DLG2: variants seen among roughly 807,000 people sequenced by gnomAD.
DLG2 encodes the protein discs large MAGUK scaffold protein 2.
In DLG2, 45 loss-of-function variants were observed where a neutral mutation model predicts 132.5. The ratio of observed to expected loss-of-function variants is 0.34; its 90% CI spans 0.27 to 0.44. DLG2 has a LOEUF of 0.44. Among genes scored for constraint, DLG2 ranks in the 20% least tolerant of loss-of-function variants. The pLI is 1.00. For missense variants in DLG2, 1,045 were observed against 1,196.9 expected, an observed-to-expected ratio of 0.87 and a Z score of 1.87; for synonymous variants, 424 against 419.6, an observed-to-expected ratio of 1.01 and a Z score of -0.13.
chr11:84,651,768 A>C (rs1448297438), intron 6 of DLG2, among the ~76,000 whole-genome samples: 1 of 152,184 alleles, frequency 6.6e-6, no homozygotes, highest in Non-Finnish European at 1.5e-5. Context: ...TGGAGACTGG[A>C]CTAGAGACAT....
intron 3 of DLG2, among the ~76,000 whole-genome samples, chr11:85,375,818 A>C (rs1014759111): frequency 3.9e-5 from 6 of 152,214 alleles, no homozygotes; most frequent in Non-Finnish European, 5.9e-5. Context: ...TTTAGACAGC[A>C]GTTATGACAA....
rs532863675 is a variant in DLG2, at chr11:83,807,305, C to T, written c.1723-20513G>A. On this transcript the variant is annotated intron_variant, in intron 17 of 27. Coordinates refer to ENST00000376104, the MANE Select transcript of DLG2 (RefSeq NM_001142699.3). ...GCATCAGAAAAATTTTCCATTTACA[C>T]AGGCAGGGAGGTATTTTCAGTAATT... Among the ~76,000 whole-genome samples the T allele has an allele frequency of 2.8e-4, 42 of 152,318 alleles. 1 individual carries two copies. The South Asian group carries it at 8.5e-3, about 31-fold the overall frequency.
At chr11:85,205,035 A>C (rs2081767709) in intron 4 of DLG2, among the ~76,000 whole-genome samples, 1 of 151,900 alleles carries the variant, frequency 6.6e-6, no homozygotes, top group Non-Finnish European at 1.5e-5. Context: ...AGTCAACTCA[A>C]AATGGAGTAA....
intron 11 of DLG2, among the ~76,000 whole-genome samples, chr11:84,008,912 G>T (rs932406595): frequency 6.7e-6 from 1 of 149,612 alleles, no homozygotes; most frequent in African/African-American, 2.5e-5. Flanking sequence ...TTTATCTACA[G>T]ATTTTTTCTT....
chr11:83,711,087 C>T (rs1450719843), intron 18 of DLG2, among the ~76,000 whole-genome samples: 2 of 152,138 alleles, frequency 1.3e-5, no homozygotes, highest in African/African-American at 4.8e-5. Context: ...AAACCATAGC[C>T]TCAGCAGTCA....
At chr11:83,735,127 C>A (rs192167700) in intron 18 of DLG2, among the ~76,000 whole-genome samples, 8 of 151,910 alleles carry the variant, frequency 5.3e-5, no homozygotes, top group East Asian at 3.9e-4. Context: ...TTAATATTGG[C>A]CGATTAGAGA....
chr11:83,882,643 C>T (rs2066604728), intron 15 of DLG2, among the ~76,000 whole-genome samples: 2 of 152,034 alleles, frequency 1.3e-5, no homozygotes, highest in African/African-American at 4.8e-5. Flanking sequence ...TTTATTATGC[C>T]ACTATACAAT....
At chr11:84,630,671 C>T (rs1158914242) in intron 6 of DLG2, among the ~76,000 whole-genome samples, 2 of 152,058 alleles carry the variant, frequency 1.3e-5, no homozygotes, top group African/African-American at 4.8e-5. Flanking sequence ...AGTTTCTAAT[C>T]TGCTTTTTCT....
At chr11:83,864,609 C>A (rs560427405) in intron 16 of DLG2, among the ~76,000 whole-genome samples, 24 of 152,228 alleles carry the variant, frequency 1.6e-4, no homozygotes, top group Non-Finnish European at 2.4e-4. Flanking sequence ...GTGGAATAAA[C>A]ATTTACCAGC....
intron 9 of DLG2, among the ~76,000 whole-genome samples, chr11:84,139,467 C>A (rs1190002806): frequency 6.6e-6 from 1 of 151,478 alleles, no homozygotes; most frequent in Admixed American, 6.6e-5. Context: ...TTTCTCAAGG[C>A]CTATAACATG....
chr11:85,062,255 A>G (rs2064230599), intron 6 of DLG2, among the ~76,000 whole-genome samples: 1 of 151,868 alleles, frequency 6.6e-6, no homozygotes, highest in Non-Finnish European at 1.5e-5. Context: ...TGGGTAAAAA[A>G]TTATATCAAT....
At chr11:84,186,494 T>C (rs567973497) in intron 8 of DLG2, among the ~76,000 whole-genome samples, 2 of 152,060 alleles carry the variant, frequency 1.3e-5, no homozygotes, top group South Asian at 2.1e-4. Context: ...GAGAAAATAA[T>C]TATTATTAAT....
Position 84,720,609 on chromosome 11 carries a change from G to C in DLG2, c.358-185878C>G, listed in dbSNP as rs377516176. On this transcript the variant is annotated intron_variant, in intron 6 of 27. Coordinates refer to ENST00000376104, the MANE Select transcript of DLG2 (RefSeq NM_001142699.3). ...CCCTGGGGAACGAGGCGTGTGGGGG[G>C]AGGGACAGAACCAAGAAAGAATTTT... is the stretch of plus-strand genomic sequence containing the variant. Among the ~76,000 whole-genome samples, 4 of 152,180 alleles carry C rather than the reference G, an allele frequency of 2.6e-5. No homozygotes were observed. The South Asian group carries it at 6.2e-4, about 24-fold the overall frequency.
chr11:85,230,959 A>T (rs1010215565), intron 4 of DLG2, among the ~76,000 whole-genome samples: 6 of 151,998 alleles, frequency 3.9e-5, no homozygotes, highest in African/African-American at 1.4e-4. Context: ...CCCTTACCAG[A>T]TACCAAATCT....
chr11:84,815,938 C>T (rs772158310), intron 6 of DLG2, among the ~76,000 whole-genome samples: 31 of 152,042 alleles, frequency 2.0e-4, no homozygotes, highest in Middle Eastern at 6.8e-3. Flanking sequence ...AGCAATTGCC[C>T]AATAGGGATG....
At chr11:85,582,441 C>G (rs1590996074) in intron 3 of DLG2, among the ~76,000 whole-genome samples, 1 of 151,678 alleles carries the variant, frequency 6.6e-6, no homozygotes, top group Non-Finnish European at 1.5e-5. Context: ...ACTGGATAGG[C>G]AATCAAGGAA....
chr11:84,769,245 A>G (rs2068886576), intron 6 of DLG2, among the ~76,000 whole-genome samples: 1 of 152,154 alleles, frequency 6.6e-6, no homozygotes, highest in African/African-American at 2.4e-5. Context: ...AGAAACTTCT[A>G]AAGCAATCTG....
At chr11:85,444,072 T>C (rs1258746715) in intron 3 of DLG2, among the ~76,000 whole-genome samples, 3 of 152,206 alleles carry the variant, frequency 2.0e-5, no homozygotes, top group African/African-American at 7.2e-5. Context: ...AAGAACATTA[T>C]ATCCTATTAT....
chr11:84,429,230 G>T (rs1036835945), intron 7 of DLG2, among the ~76,000 whole-genome samples: 8 of 152,172 alleles, frequency 5.3e-5, no homozygotes, highest in African/African-American at 1.7e-4. Context: ...GTTTTGCTAG[G>T]TGCTGAGAAT....
Sources: gnomAD v4.1 joint callset for allele counts (sites outside exome capture counted in the v4.1 genomes callset) on GRCh38, gnomAD v4.1.1 for gene constraint, MANE v1.5 for transcripts, NCBI Gene and HGNC (gene_info 2026-07-23, HGNC 2026-07-21) for gene names.